TTC16: variants seen among roughly 807,000 people sequenced by gnomAD.
TTC16 encodes the protein tetratricopeptide repeat domain 16.
In TTC16, 66 loss-of-function variants were observed where a neutral mutation model predicts 80.4. The observed-to-expected ratio is 0.82, with a 90% CI of 0.67 to 1.01. The LOEUF (loss-of-function observed/expected upper bound fraction) is 1.01. Among genes scored for constraint, TTC16 ranks in the 50% least tolerant of loss-of-function variants. The pLI is 0.00. For synonymous variants in TTC16, 438 were observed against 451.3 expected (o/e 0.97, Z 0.37); for missense variants, 1,070 against 1,103.2 (o/e 0.97, Z 0.43).
intron 9 of TTC16, among the ~76,000 whole-genome samples, chr9:127,725,190 C>T (rs1304366611): frequency 6.6e-6 from 1 of 152,132 alleles, no homozygotes; most frequent in Non-Finnish European, 1.5e-5. Flanking sequence ...ACGGGAATCC[C>T]TTGAGCCAGG....
At chr9:127,725,347 A>G (rs1014506600) in intron 9 of TTC16, among the ~76,000 whole-genome samples, 2 of 150,844 alleles carry the variant, frequency 1.3e-5, no homozygotes, top group East Asian at 2.0e-4. Flanking sequence ...GGCGGATCAC[A>G]AGGTCAGGAG....
chr9:127,727,030 C>G lies in TTC16; in HGVS notation c.1486C>G (p.Gln496Glu), dbSNP rs779641201. 12 of 1,612,614 alleles carry G rather than the reference C, an allele frequency of 7.4e-6. No individual in the cohort carries two copies. Among genetic ancestry groups the G allele is most frequent in the Non-Finnish European group, 1.0e-5 (12 of 1,179,968 alleles). Residue 496 changes from glutamine (Q) to glutamate (E), a missense_variant, in exon 11 of 14, where the codon CAG (glutamine) becomes GAG (glutamate). By Grantham distance (29) the Gln-to-Glu change is conservative (BLOSUM62 2). Transcript: ENST00000373289. ...GMSVEEVLST[Q>E]IAHLARLQLE... ...GTCGGTGGAGGAGGTGCTTAGCACC[C>G]AGATAGCCCACCTGGCCAGGCTGCA...
chr9:127,723,543 C>T (rs970181670), intron 7 of TTC16, among the ~76,000 whole-genome samples: 3 of 152,226 alleles, frequency 2.0e-5, no homozygotes, highest in African/African-American at 7.2e-5. Flanking sequence ...TCTCAGTTAC[C>T]CCAGGAATCC....
chr9:127,730,775 A>C lies in TTC16; in HGVS notation c.1992A>C (p.Ala664=). Residue 664 remains alanine (A), a synonymous_variant, in exon 14 of 14, where the codon GCA becomes GCC. Coordinates refer to ENST00000373289, the MANE Select transcript of TTC16 (RefSeq NM_144965.3). ...CGGACTCTGGGAACAACAGGGAGGC[A>C]CTAAGCCATGGTCCCAGAAAAATCA... ...QSSDSGNNRE[A]LSHGPRKIKA... 6.2e-7 allele frequency: 1 copy of C among 1,613,764 alleles called. No individual in the cohort carries two copies. Among genetic ancestry groups the C allele is most frequent in the Non-Finnish European group, 8.5e-7 (1 of 1,180,034 alleles).
rs1239212025 is a variant in TTC16 at position 127,726,896 on chromosome 9, G to T, written c.1426-74G>T. 4 of 1,592,974 alleles carry T rather than the reference G, an allele frequency of 2.5e-6. No individual in the cohort carries two copies. The Admixed American group carries it at 5.0e-5, about 20-fold the overall frequency. On this transcript the variant is annotated intron_variant, in intron 10 of 13. Coordinates refer to ENST00000373289, the MANE Select transcript of TTC16 (RefSeq NM_144965.3). ...GGAAGGGCCAAATCTGGCTGTGCAG[G>T]GTCAGGGCAGCATCGTGCTGTCTGT...
rs752702088 is a variant in TTC16, at chr9:127,726,239, G to C, written c.1260G>C (p.Lys420Asn). The stretch of plus-strand genomic sequence containing the variant: ...GCTTGGGACCCACTGTGTCGTGCAG[G>C]CAGTTCCAGAAGGCAGAGAACCACT... ...EKMGFCEQRRKQFQKAENHFS... is the reference protein window; with the variant it reads ...EKMGFCEQRRNQFQKAENHFS... The change falls in exon 10 of 14, where the codon AAG becomes AAC. Residue 420 changes from lysine (K) to asparagine (N), a missense_variant and splice_region_variant. Transcript: ENST00000373289. 1.3e-6 allele frequency: 2 copies of C among 1,586,162 alleles called. No individual in the cohort carries two copies. The highest frequency in any genetic ancestry group is 2.3e-5 in the East Asian group (1 of 43,904).
At chr9:127,717,202 C>T in intron 2 of TTC16, 132 bp from the exon 3 acceptor site, 4 of 1,179,684 alleles carry the variant, frequency 3.4e-6, no homozygotes, top group Non-Finnish European at 4.9e-6. Context: ...GCCTGCCCTC[C>T]CTGGGCTTCT....
At position 127,724,364 on chromosome 9, in the gene TTC16, G is replaced by A. The variant is rs931257700; in HGVS notation, c.1117G>A (p.Asp373Asn). 7 of 1,612,044 alleles carry A rather than the reference G, an allele frequency of 4.3e-6. No individual in the cohort carries two copies. In the East Asian group the frequency reaches 1.1e-4, roughly 26 times the overall value. The change falls in exon 8 of 14, where the codon GAT becomes AAT. Residue 373 changes from aspartate to asparagine, a missense_variant and splice_region_variant. Coordinates refer to ENST00000373289, the MANE Select transcript of TTC16 (RefSeq NM_144965.3). ...GAAAGGACTCTACATCAACCGAGGC[G>A]GTGCGCAGCGACCAGGGCACTGGGG... ...QEKGLYINRG[D>N]CFFQLGNLAF...
rs1161776159 is a variant in TTC16, at chr9:127,718,351, G to T, written c.426+579G>T. On this transcript the variant is annotated intron_variant, in intron 4 of 13. Transcript: ENST00000373289. The surrounding 1 kb of genome is among the most constrained non-coding windows in gnomAD (Gnocchi z 4.6). The stretch of plus-strand genomic sequence containing the variant: ...AATCCACCCACCTCGGCCTCCCAAC[G>T]TGCTAGGATTACAGATGTGAGCCAC... 6.6e-6 allele frequency among the ~76,000 whole-genome samples: 1 copy of T among 152,038 alleles called. No individual in the cohort carries two copies. The highest frequency in any genetic ancestry group is 2.4e-5 in the African/African-American group (1 of 41,372).
In TTC16 at chr9:127,717,758, G is replaced by A; in HGVS notation, c.412G>A (p.Val138Met). The part of the protein sequence containing the change: ...NCKHLERLTF[V>M]LYLQGQCLFE... ...CAAGCACCTGGAGCGCCTCACCTTTGTGCTCTACCTACAGGTGCCTGGGGC... is the reference window on the plus strand; with the variant it reads ...CAAGCACCTGGAGCGCCTCACCTTTATGCTCTACCTACAGGTGCCTGGGGC... Residue 138 changes from valine (V) to methionine (M), a missense_variant, in exon 4 of 14, where the codon GTG becomes ATG. By Grantham distance (21) the Val-to-Met change is conservative (BLOSUM62 1). Coordinates refer to ENST00000373289, the MANE Select transcript of TTC16 (RefSeq NM_144965.3). 2.5e-6 allele frequency: 4 copies of A among 1,613,474 alleles called. No individual in the cohort carries two copies. Among genetic ancestry groups the A allele is most frequent in the Non-Finnish European group, 3.4e-6 (4 of 1,179,920 alleles).
In TTC16 at chr9:127,727,058, T is replaced by A; in HGVS notation, c.1514T>A (p.Leu505Gln). The stretch of plus-strand genomic sequence containing the variant: ...ATAGCCCACCTGGCCAGGCTGCAGC[T>A]GGAGCAGATGGTGGAGGGCAGCCTG... ...TQIAHLARLQ[L>Q]EQMVEGSLQA... Residue 505 changes from leucine (L) to glutamine (Q), a missense_variant, in exon 11 of 14, where the codon CTG becomes CAG. Coordinates refer to ENST00000373289, the MANE Select transcript of TTC16 (RefSeq NM_144965.3). 6.2e-7 allele frequency: 1 copy of A among 1,611,988 alleles called. No individual in the cohort carries two copies. Among genetic ancestry groups the A allele is most frequent in the Non-Finnish European group, 8.5e-7 (1 of 1,179,710 alleles).
Position 127,731,426 on chromosome 9 carries a change from C to A in TTC16, c.*21C>A. 1 of 1,588,226 alleles carries A rather than the reference C, an allele frequency of 6.3e-7. No homozygotes were observed. Among genetic ancestry groups the A allele is most frequent in the African/African-American group, 1.3e-5 (1 of 74,478 alleles). Reference sequence around the variant, plus strand: ...TCTGAAGGGACCATCCAGACCCTCCCTTCTTGCTGGGGAGGGGACGAGTTC... The same window carrying A: ...TCTGAAGGGACCATCCAGACCCTCCATTCTTGCTGGGGAGGGGACGAGTTC... On this transcript the variant is annotated 3_prime_UTR_variant, in exon 14 of 14. Transcript: ENST00000373289.
At position 127,731,059 on chromosome 9, in the gene TTC16, C is replaced by T; in HGVS notation, c.2276C>T (p.Pro759Leu). 6.2e-7 allele frequency: 1 copy of T among 1,612,534 alleles called. No individual in the cohort carries two copies. The highest frequency in any genetic ancestry group is 2.2e-5 in the East Asian group (1 of 44,866). ...IEATQGPRQEPSKTKTTRSPR... is the reference protein window; with the variant it reads ...IEATQGPRQELSKTKTTRSPR... ...GCCACCCAGGGCCCAAGGCAGGAGC[C>T]CAGCAAGACCAAGACCACCCGGAGC... The change falls in exon 14 of 14, where the codon CCC (proline) becomes CTC (leucine). Residue 759 changes from proline (P) to leucine (L), a missense_variant. Pro to Leu is a moderately conservative substitution (Grantham distance 98, BLOSUM62 -3). Coordinates refer to ENST00000373289, the MANE Select transcript of TTC16 (RefSeq NM_144965.3).
At chr9:127,716,313 G>A in intron 1 of TTC16, 150 bp downstream of exon 1, 1 of 1,196,680 alleles carries the variant, frequency 8.4e-7, no homozygotes, top group Non-Finnish European at 1.2e-6. Context: ...AACCAGGCAT[G>A]TGAAAGATCC....
Position 127,724,327 on chromosome 9 carries a change from C to A in TTC16, c.1080C>A (p.Asp360Glu), listed in dbSNP as rs778597218. Residue 360 changes from aspartate (D) to glutamate (E), a missense_variant, in exon 8 of 14, where the codon GAC becomes GAA. Coordinates refer to ENST00000373289, the MANE Select transcript of TTC16 (RefSeq NM_144965.3). The part of the protein sequence containing the change: ...GVLLLNKALR[D>E]EQQEKGLYIN... ...TGCTGCTGAACAAGGCCCTCCGGGA[C>A]GAGCAGCAGGAGAAAGGACTCTACA... is the stretch of plus-strand genomic sequence containing the variant. 8 of 1,612,668 alleles carry A rather than the reference C, an allele frequency of 5.0e-6. No homozygotes were observed. In the East Asian group the frequency reaches 1.8e-4, roughly 36 times the overall value.
intron 13 of TTC16, chr9:127,730,280 T>C: frequency 3.0e-6 from 1 of 330,642 alleles, no homozygotes; most frequent in Non-Finnish European, 5.7e-6. Flanking sequence ...TGTGGGTGCA[T>C]TTAGCGCCTT....
intron 12 of TTC16, chr9:127,728,914 T>G (rs1844178537): frequency 6.6e-6 from 1 of 152,150 alleles, no homozygotes; most frequent in African/African-American, 2.4e-5. Context: ...AGAGGCCCCC[T>G]CCCCCAGGGA....
rs1479609976 is a variant in TTC16, at chr9:127,718,673, C to T, written c.426+901C>T. Among the ~76,000 whole-genome samples, 1 of 151,914 alleles carries T rather than the reference C, an allele frequency of 6.6e-6. No individual in the cohort carries two copies. Among genetic ancestry groups the T allele is most frequent in the African/African-American group, 2.4e-5 (1 of 41,386 alleles). ...GCAATGGCGCAATCTCAGCTCACAA[C>T]CTCCACCTCCCGGGTTCAAATGATT... is the stretch of plus-strand genomic sequence containing the variant. On this transcript the variant is annotated intron_variant, in intron 4 of 13. Transcript: ENST00000373289. The surrounding 1 kb of genome is among the most constrained non-coding windows in gnomAD (Gnocchi z 4.6).
rs1844228791 is a variant in TTC16 at position 127,729,629 on chromosome 9, A to G, written c.1813A>G (p.Ser605Gly). ...IPSKVASLSD[S>G]YLDQTSSASS... The stretch of plus-strand genomic sequence containing the variant: ...TAGCAAGGTGGCGTCCCTGTCTGAC[A>G]GCTACCTTGACCAGACCTCTTCAGC... The change falls in exon 13 of 14, where the codon AGC becomes GGC. Residue 605 changes from serine (S) to glycine (G), a missense_variant. Physicochemically the swap from Ser to Gly is moderately conservative, Grantham distance 56. Transcript: ENST00000373289. 7.4e-6 allele frequency: 12 copies of G among 1,613,836 alleles called. No individual in the cohort carries two copies. The East Asian group carries it at 2.7e-4, about 36-fold the overall frequency.
Sources: gnomAD v4.1 joint callset for allele counts (sites outside exome capture counted in the v4.1 genomes callset) on GRCh38, gnomAD v4.1.1 for gene constraint, Gnocchi (gnomAD v3.1) non-coding constraint, MANE v1.5 for transcripts, NCBI Gene and HGNC (gene_info 2026-07-23, HGNC 2026-07-21) for gene names.